The following KLHL13 variants were observed in gnomAD, a reference collection of about 807,000 sequenced individuals.
KLHL13 encodes the protein kelch like family member 13, also known as kelch-like protein 13.
A neutral mutation model predicts 37.1 loss-of-function variants in KLHL13; 10 were observed. The observed-to-expected ratio is 0.27, with a 90% CI of 0.17 to 0.46. The LOEUF is 0.46. Ranked by LOEUF, KLHL13 falls within the 20% of genes least tolerant of loss-of-function variation. The pLI is 1.00. For missense variants in KLHL13, 360 were observed against 509.3 expected, an observed-to-expected ratio of 0.71 and a Z score of 2.82; for synonymous variants, 163 against 181.2, an observed-to-expected ratio of 0.90 and a Z score of 0.81.
intron 1 of KLHL13, among the ~76,000 whole-genome samples, chrX:118,098,438 A>G (rs1446157947): frequency 2.7e-5 from 3 of 111,025 alleles, no homozygotes; most frequent in Non-Finnish European, 5.7e-5. Context: ...GGTGCTGGAG[A>G]GGATGTGGAG....
At chrX:118,116,155 G>A (rs974170358) in intron 1 of KLHL13, among the ~76,000 whole-genome samples, 1 of 111,107 alleles carries the variant, frequency 9.0e-6, no homozygotes, top group Admixed American at 9.5e-5. Flanking sequence ...GGCCGGGGCG[G>A]GCAGCGGGAC....
chrX:118,003,192 G>T lies in KLHL13; in HGVS notation c.-55-57617C>A, dbSNP rs998393381. Among the ~76,000 whole-genome samples, 3 of 112,121 alleles carry T rather than the reference G, an allele frequency of 2.7e-5. 1 individual carries two copies. Among genetic ancestry groups the T allele is most frequent in the Non-Finnish European group, 5.6e-5 (3 of 53,220 alleles). On this transcript the variant is annotated intron_variant, in intron 1 of 6. Coordinates refer to the KLHL13 transcript ENST00000371882. ...ACCAGGAATAGGTTACTGTGCAATA[G>T]GTTTTTAAAATACCTCTATTCAAAA...
rs187723941 is a variant in KLHL13 at position 118,084,208 on chromosome X, G to A, written c.-56+32300C>T. The stretch of plus-strand genomic sequence containing the variant: ...TAGCTGGAAGTGGTCACATGCACCT[G>A]TAGTCCTACCTGCTCTTGGGAAGCT... On this transcript the variant is annotated intron_variant, in intron 1 of 6. Transcript: ENST00000371882. 1.2e-3 allele frequency among the ~76,000 whole-genome samples: 129 copies of A among 110,900 alleles called. 2 individuals carry two copies. The Admixed American group carries it at 0.012, about 11-fold the overall frequency.
intron 1 of KLHL13, among the ~76,000 whole-genome samples, chrX:117,968,862 G>C: frequency 9.0e-6 from 1 of 111,456 alleles, no homozygotes; most frequent in South Asian, 3.8e-4. Context: ...TATTATGTCT[G>C]TGCTGTGAAT....
chrX:118,056,938 TAAATC>T (rs2054691335), intron 1 of KLHL13, among the ~76,000 whole-genome samples: 1 of 112,278 alleles, frequency 8.9e-6, no homozygotes, highest in Non-Finnish European at 1.9e-5. Flanking sequence ...TCCGAGCACT[TAAATC>T]TATCTATCTC....
intron 1 of KLHL13, among the ~76,000 whole-genome samples, chrX:118,021,768 G>C (rs1380490316): frequency 1.8e-5 from 2 of 111,128 alleles, no homozygotes; most frequent in African/African-American, 6.6e-5. Flanking sequence ...TAGGATGGCT[G>C]GGTCAAATGG....
chrX:117,977,431 T>C (rs144221750), upstream of KLHL13, among the ~76,000 whole-genome samples: 7,082 of 111,742 alleles, frequency 0.063, 547 homozygotes, highest in African/African-American at 0.22. Context: ...CTGACTAGTA[T>C]AGTTTGTCAC....
chrX:118,050,592 C>T (rs944582724), intron 1 of KLHL13, among the ~76,000 whole-genome samples: 1 of 111,429 alleles, frequency 9.0e-6, no homozygotes, highest in Non-Finnish European at 1.9e-5. Flanking sequence ...CTTTCCTTCT[C>T]TCTCTCTCTC....
intron 2 of KLHL13, among the ~76,000 whole-genome samples, chrX:117,924,844 C>T (rs1233856418): frequency 1.8e-5 from 2 of 110,797 alleles, no homozygotes; most frequent in Non-Finnish European, 3.8e-5. Context: ...GGAAAAATAG[C>T]GTCATTTAAT....
intron 1 of KLHL13, among the ~76,000 whole-genome samples, chrX:118,018,957 G>C: frequency 9.0e-6 from 1 of 111,245 alleles, no homozygotes; most frequent in Middle Eastern, 4.7e-3. Context: ...TATTTAAAGT[G>C]TACAATATGA....
chrX:118,062,181 T>G (rs1233618707), intron 1 of KLHL13, among the ~76,000 whole-genome samples: 1 of 111,241 alleles, frequency 9.0e-6, no homozygotes, highest in Non-Finnish European at 1.9e-5. Flanking sequence ...ATCAGGGTCT[T>G]GTTCTCTATC....
At chrX:117,980,031 T>C (rs749255675) in intron 1 of KLHL13, among the ~76,000 whole-genome samples, 5 of 112,394 alleles carry the variant, frequency 4.4e-5, no homozygotes, top group South Asian at 3.6e-4. Context: ...TATGGCTCTA[T>C]TGAATGAAAA....
intron 1 of KLHL13, among the ~76,000 whole-genome samples, chrX:118,033,770 G>T (rs1304728148): frequency 2.7e-5 from 3 of 110,372 alleles, no homozygotes; most frequent in Non-Finnish European, 5.7e-5. Context: ...TGGGCTAAAT[G>T]CTCCAATTAA....
intron 1 of KLHL13, among the ~76,000 whole-genome samples, chrX:118,081,126 A>G (rs1338297614): frequency 9.0e-6 from 1 of 111,509 alleles, no homozygotes; most frequent in African/African-American, 3.3e-5. Context: ...TGAGGGGCAG[A>G]GTGGGGCATG....
chrX:117,954,999 G>T (rs959360671), intron 1 of KLHL13, among the ~76,000 whole-genome samples: 1 of 111,977 alleles, frequency 8.9e-6, no homozygotes, highest in African/African-American at 3.2e-5. Context: ...ATTATCTGTA[G>T]CTCATCAACT....
intron 2 of KLHL13, among the ~76,000 whole-genome samples, chrX:117,942,709 G>A (rs58247340): frequency 0.012 from 1,367 of 110,408 alleles, 23 homozygotes; most frequent in African/African-American, 0.043. Flanking sequence ...CCTTTATTTT[G>A]AGCCTATGTG....
chrX:117,931,987 T>C (rs990082547), intron 2 of KLHL13, among the ~76,000 whole-genome samples: 28 of 111,533 alleles, frequency 2.5e-4, no homozygotes, highest in African/African-American at 9.1e-4. Flanking sequence ...GCACTTTCTC[T>C]ATCCCAGGGC....
chrX:118,103,854 G>A (rs1016363152), intron 1 of KLHL13, among the ~76,000 whole-genome samples: 1 of 107,495 alleles, frequency 9.3e-6, no homozygotes, highest in East Asian at 2.9e-4. Flanking sequence ...GTCAGTGGCC[G>A]AATTTTTTTT....
chrX:118,106,887 T>C (rs771808588), intron 1 of KLHL13, among the ~76,000 whole-genome samples: 2 of 112,503 alleles, frequency 1.8e-5, no homozygotes, highest in East Asian at 2.8e-4. Flanking sequence ...CTTAGGGTAT[T>C]ATTTGATTTG....
Sources: allele counts gnomAD v4.1 joint callset (sites outside exome capture counted in the v4.1 genomes callset), GRCh38; gene constraint gnomAD v4.1.1; transcripts MANE v1.5; gene names NCBI Gene and HGNC (gene_info 2026-07-23, HGNC 2026-07-21).